Variants in KANSL1L observed in about 807,000 individuals in gnomAD.
KANSL1L encodes the protein KAT8 regulatory NSL complex subunit 1-like protein.
KANSL1L carries 25 observed loss-of-function variants against 108.6 expected under a neutral mutation model. The observed-to-expected ratio is 0.23, with a 90% CI of 0.17 to 0.32. The LOEUF (loss-of-function observed/expected upper bound fraction) is 0.32. Ranked by LOEUF, KANSL1L falls within the 10% of genes least tolerant of loss-of-function variation. The pLI is 1.00. For missense variants in KANSL1L, 1,137 were observed against 1,125.7 expected, an observed-to-expected ratio of 1.01 and a Z score of -0.14; for synonymous variants, 405 against 395.1, an observed-to-expected ratio of 1.03 and a Z score of -0.30.
intron 3 of KANSL1L, among the ~76,000 whole-genome samples, chr2:210,118,489 AAC>A (rs2094979994): frequency 6.6e-6 from 1 of 151,534 alleles, no homozygotes; most frequent in African/African-American, 2.4e-5. Context: ...AAAAAAAAAA[AAC>A]AGAAGAAAAA....
chr2:210,090,431 A>T (rs904622663), intron 5 of KANSL1L, among the ~76,000 whole-genome samples: 9 of 152,168 alleles, frequency 5.9e-5, no homozygotes, highest in African/African-American at 1.7e-4. Context: ...AAGACTATAA[A>T]TTTTTTGGAA....
At chr2:210,027,271 T>A (rs1368268617) in intron 12 of KANSL1L, 25 bp downstream of exon 12, 1 of 1,475,526 alleles carries the variant, frequency 6.8e-7, no homozygotes, top group Non-Finnish European at 9.5e-7. Context: ...TGTGCAATTA[T>A]CCCATTAAAT....
At chr2:210,025,403 A>G (rs1428210715) in intron 12 of KANSL1L, among the ~76,000 whole-genome samples, 187 bp from the exon 13 acceptor site, 1 of 152,210 alleles carries the variant, frequency 6.6e-6, no homozygotes, top group Non-Finnish European at 1.5e-5. Context: ...AAAAAATACA[A>G]AAATTAGCTG....
At position 210,025,223 on chromosome 2, in the gene KANSL1L, T is replaced by C. The variant is rs763358675; in HGVS notation, c.2452-7A>G. Reference sequence around the variant, plus strand: ...CATCAGAAAGATCTTCTATCTGGAATTAGAAATAAAGATTTTTGTTTTAAT... The same window carrying C: ...CATCAGAAAGATCTTCTATCTGGAACTAGAAATAAAGATTTTTGTTTTAAT... On this transcript the variant is annotated splice_region_variant and splice_polypyrimidine_tract_variant and intron_variant, in intron 12 of 14. Transcript: ENST00000281772. 1.3e-5 allele frequency: 19 copies of C among 1,468,650 alleles called. No individual in the cohort carries two copies. The highest frequency in any genetic ancestry group is 1.7e-5 in the Non-Finnish European group (18 of 1,047,726). The allele number at this position is 1,468,650 out of a possible 1,614,324, so 91.0% of individuals were successfully genotyped here.
At chr2:210,157,938 C>T (rs1250342612) in intron 1 of KANSL1L, among the ~76,000 whole-genome samples, 1 of 151,666 alleles carries the variant, frequency 6.6e-6, no homozygotes, top group South Asian at 2.1e-4. Flanking sequence ...TTAAGAAATA[C>T]AATTCGTAGC....
At chr2:210,046,270 CCTT>C (rs1435335172) in intron 6 of KANSL1L, among the ~76,000 whole-genome samples, 1 of 152,112 alleles carries the variant, frequency 6.6e-6, no homozygotes, top group East Asian at 1.9e-4. Flanking sequence ...AAATACATGT[CCTT>C]CTCACATGCA....
upstream of KANSL1L, among the ~76,000 whole-genome samples, chr2:210,172,183 A>G (rs562715790): frequency 6.6e-6 from 1 of 152,258 alleles, no homozygotes; most frequent in African/African-American, 2.4e-5. Flanking sequence ...CGCTCACCAC[A>G]AAACAAACCT....
At chr2:210,026,479 T>C (rs532032924) in intron 12 of KANSL1L, 1 of 152,346 alleles carries the variant, frequency 6.6e-6, no homozygotes, top group East Asian at 1.9e-4. Flanking sequence ...TTTTAGTGTT[T>C]ATCCAACTCA....
intron 6 of KANSL1L, among the ~76,000 whole-genome samples, chr2:210,074,692 C>T (rs928010213): frequency 4.6e-5 from 7 of 152,184 alleles, no homozygotes; most frequent in African/African-American, 1.7e-4. Flanking sequence ...TGTCAGAATC[C>T]ACATTCCTAT....
chr2:210,074,963 C>A (rs1235216920), intron 6 of KANSL1L, among the ~76,000 whole-genome samples: 4 of 151,826 alleles, frequency 2.6e-5, no homozygotes, highest in African/African-American at 9.7e-5. Flanking sequence ...GGAAGTATAC[C>A]CATTATTTTG....
intron 9 of KANSL1L, 128 bp downstream of exon 9, chr2:210,031,293 G>GACTC: frequency 1.6e-6 from 1 of 628,336 alleles, no homozygotes; most frequent in South Asian, 2.0e-5. Context: ...CATGTTTGTA[G>GACTC]ACTCATAGAT....
At chr2:210,025,309 C>T in intron 12 of KANSL1L, 93 bp from the exon 13 acceptor site, 1 of 728,052 alleles carries the variant, frequency 1.4e-6, no homozygotes, top group South Asian at 1.5e-5. Flanking sequence ...GTAATCCCAA[C>T]ACTTTGGAAG....
At chr2:210,038,604 CATTTTT>C (rs1456155347) in intron 8 of KANSL1L, among the ~76,000 whole-genome samples, 1 of 151,908 alleles carries the variant, frequency 6.6e-6, no homozygotes, top group African/African-American at 2.4e-5. Flanking sequence ...TTAAGACATT[CATTTTT>C]AACATTTAAC....
intron 2 of KANSL1L, among the ~76,000 whole-genome samples, chr2:210,141,382 C>T (rs887182051): frequency 7.2e-5 from 11 of 152,098 alleles, no homozygotes; most frequent in African/African-American, 2.7e-4. Flanking sequence ...AGAGGGTGAG[C>T]CTTTGGAGAT....
Position 210,068,279 on chromosome 2 carries a change from T to G in KANSL1L, c.1755+7273A>C, listed in dbSNP as rs150569118. 6.6e-5 allele frequency among the ~76,000 whole-genome samples: 10 copies of G among 152,310 alleles called. No individual in the cohort carries two copies. In the East Asian group the frequency reaches 1.9e-3, roughly 29 times the overall value. The stretch of plus-strand genomic sequence containing the variant: ...AACTGTATTTATGCCTATTTTTAAT[T>G]AAGTTATCTCTTTTTTCTTGTTTTT... On this transcript the variant is annotated intron_variant, in intron 6 of 14. Coordinates refer to ENST00000281772, the MANE Select transcript of KANSL1L (RefSeq NM_152519.4).
In KANSL1L at chr2:210,052,850, ATAAG is replaced by A. The variant is rs967910765; in HGVS notation, c.1756-8750_1756-8747del. 4.6e-5 allele frequency among the ~76,000 whole-genome samples: 7 copies of A among 152,222 alleles called. No homozygotes were observed. The South Asian group carries it at 8.3e-4, about 18-fold the overall frequency. On this transcript the variant is annotated intron_variant, in intron 6 of 14. Transcript: ENST00000281772. ...AAGAAAAGAAAGAAGGAAAGACATAATAAGTAGGCTATTCTAAATAGTTGTATAT... is the reference window on the plus strand; with the variant it reads ...AAGAAAAGAAAGAAGGAAAGACATAATAGGCTATTCTAAATAGTTGTATAT...
chr2:210,040,180 TTTAAA>T (rs1409754992), intron 8 of KANSL1L: 4 of 385,568 alleles, frequency 1.0e-5, no homozygotes, highest in Admixed American at 9.1e-5. Flanking sequence ...TCCACATTTA[TTTAAA>T]TTTTTATTAT....
At chr2:210,151,728 T>C (rs1436564753) in intron 2 of KANSL1L, 1 of 152,200 alleles carries the variant, frequency 6.6e-6, no homozygotes, top group East Asian at 1.9e-4. Context: ...TGAGATATCA[T>C]ATGTTAAATA....
Position 210,153,827 on chromosome 2 carries a change from A to T in KANSL1L, c.756T>A (p.His252Gln). The T allele has an allele frequency of 1.2e-6, 2 of 1,612,940 alleles. No individual in the cohort carries two copies. Among genetic ancestry groups the T allele is most frequent in the Non-Finnish European group, 1.7e-6 (2 of 1,179,722 alleles). The change falls in exon 2 of 15, where the codon CAT (histidine) becomes CAA (glutamine). Residue 252 changes from histidine to glutamine, a missense_variant. Transcript: ENST00000281772. ...QKHLQMLLAK[H>Q]VVKHYGQQMK... ...TCTGCTGACCATAGTGCTTAACAAC[A>T]TGCTTTGCCAGGAGCATCTGCAAAT... is the stretch of plus-strand genomic sequence containing the variant.
Sources: allele counts gnomAD v4.1 joint callset (sites outside exome capture counted in the v4.1 genomes callset), GRCh38; gene constraint gnomAD v4.1.1; transcripts MANE v1.5; gene names NCBI Gene and HGNC (gene_info 2026-07-23, HGNC 2026-07-21).